Variants in MAP4K4 observed in about 807,000 individuals in gnomAD.
The protein encoded by MAP4K4 is mitogen-activated protein kinase kinase kinase kinase 4, also known as HPK/GCK-like kinase HGK.
In MAP4K4, 38 loss-of-function variants were observed where a neutral mutation model predicts 189.6. That is an observed-to-expected ratio of 0.20 (90% confidence interval 0.15 to 0.26). The LOEUF is 0.26. MAP4K4 is among the 10% of genes least tolerant of loss of function. The probability of loss-of-function intolerance (pLI) is 1.00; values close to 1 mark genes in which losing one functional copy is unlikely to be tolerated. For synonymous variants in MAP4K4, 610 were observed against 624.3 expected (o/e 0.98, Z 0.34); for missense variants, 1,054 against 1,726.9 (o/e 0.61, Z 6.91).
rs58201235 is a variant in MAP4K4 at position 101,797,889 on chromosome 2, GT to G, written c.180+7134del. ...TGAAGCTTTTTAAAACATTCTTTTA[GT>G]TTTTTTTTTTTTTTTTTTTTGGAGA... On this transcript the variant is annotated intron_variant, in intron 3 of 32. Transcript: ENST00000324219. Among the ~76,000 whole-genome samples, 129 of 52,334 alleles carry G rather than the reference GT, an allele frequency of 2.5e-3. 20 individuals are homozygous for G. Among genetic ancestry groups the G allele is most frequent in the East Asian group, 7.5e-3 (10 of 1,332 alleles). The allele number at this position is 52,334 out of a possible 152,430, so 34.3% of individuals were successfully genotyped here. A position where few individuals can be genotyped will look rare whatever the true frequency, so the allele number is the denominator to read the frequency against.
chr2:101,738,975 G>A (rs780045257), intron 2 of MAP4K4, among the ~76,000 whole-genome samples: 1 of 152,138 alleles, frequency 6.6e-6, no homozygotes, highest in Non-Finnish European at 1.5e-5. Flanking sequence ...ATGGTGCAGT[G>A]AATACAGTTA....
chr2:101,704,563 ATATATTTTTTTTTT>A (rs1157470826), intron 2 of MAP4K4, among the ~76,000 whole-genome samples: 129 of 47,190 alleles, frequency 2.7e-3, no homozygotes, highest in Non-Finnish European at 3.3e-3. Context: ...ATATATATAT[ATATATTTTTTTTTT>A]TTTTTTTTTT....
At chr2:101,765,192 A>C (rs1166857580) in intron 2 of MAP4K4, among the ~76,000 whole-genome samples, 1 of 152,196 alleles carries the variant, frequency 6.6e-6, no homozygotes, top group East Asian at 1.9e-4. Flanking sequence ...CAAGCTAAAA[A>C]AAAAAAAGTA....
intron 12 of MAP4K4, among the ~76,000 whole-genome samples, chr2:101,854,137 ACAGT>A (rs2097370118): frequency 6.6e-6 from 1 of 152,192 alleles, no homozygotes; most frequent in Admixed American, 6.5e-5. Flanking sequence ...TGACTGGAAA[ACAGT>A]CAGTCTCCAA....
chr2:101,823,407 C>T (rs2096192268), intron 3 of MAP4K4, among the ~76,000 whole-genome samples: 1 of 152,218 alleles, frequency 6.6e-6, no homozygotes, highest in African/African-American at 2.4e-5. Flanking sequence ...ACAGACTACA[C>T]CTCCAGCCTG....
rs2097450852 is a variant in MAP4K4 at position 101,856,233 on chromosome 2, A to G, written c.1395+95A>G. 3.4e-6 allele frequency: 4 copies of G among 1,179,006 alleles called. No individual in the cohort carries two copies. In the South Asian group the frequency reaches 4.6e-5, roughly 14 times the overall value. The allele number at this position is 1,179,006 out of a possible 1,614,324, so 73.0% of individuals were successfully genotyped here. A position where few individuals can be genotyped will look rare whatever the true frequency, so the allele number is the denominator to read the frequency against. ...TAGAAAGTATACACACATGTGATGCATACACACATGTACACACATACACAT... is the reference window on the plus strand; with the variant it reads ...TAGAAAGTATACACACATGTGATGCGTACACACATGTACACACATACACAT... On this transcript the variant is annotated intron_variant, in intron 13 of 32. Coordinates refer to ENST00000324219, the Ensembl canonical transcript of MAP4K4.
chr2:101,845,111 C>A (rs549765619), intron 12 of MAP4K4, among the ~76,000 whole-genome samples: 39 of 151,422 alleles, frequency 2.6e-4, no homozygotes, highest in African/African-American at 9.2e-4. Context: ...GCCTTCACAC[C>A]TTGATATCAG....
chr2:101,733,818 A>G (rs1212484284), intron 2 of MAP4K4, among the ~76,000 whole-genome samples: 2 of 152,174 alleles, frequency 1.3e-5, no homozygotes, highest in Non-Finnish European at 2.9e-5. Flanking sequence ...AGGTCCCGTT[A>G]CAGGAAGAGC....
At chr2:101,705,035 C>T (rs961454138) in intron 2 of MAP4K4, among the ~76,000 whole-genome samples, 1 of 152,048 alleles carries the variant, frequency 6.6e-6, no homozygotes, top group South Asian at 2.1e-4. Context: ...TAAAGTGATT[C>T]ATTGGGAGGT....
At chr2:101,813,956 G>T (rs1361808502) in intron 3 of MAP4K4, among the ~76,000 whole-genome samples, 1 of 152,180 alleles carries the variant, frequency 6.6e-6, no homozygotes, top group Non-Finnish European at 1.5e-5. Context: ...TAGATGGTTT[G>T]ATATCTTTCT....
In MAP4K4 at chr2:101,708,090, G is replaced by T. The variant is rs533836709; in HGVS notation, c.123+9552G>T. Among the ~76,000 whole-genome samples the T allele has an allele frequency of 3.9e-5, 6 of 152,112 alleles. No homozygotes were observed. The South Asian group carries it at 8.3e-4, about 21-fold the overall frequency. Reference sequence around the variant, plus strand: ...GGACTAAAGTGGTCTGCCTACCTCGGCCTCTGACCATCCACTTTTTAGCTG... The same window carrying T: ...GGACTAAAGTGGTCTGCCTACCTCGTCCTCTGACCATCCACTTTTTAGCTG... On this transcript the variant is annotated intron_variant, in intron 2 of 32. Transcript: ENST00000324219.
rs1361118802 is a variant in MAP4K4, at chr2:101,839,871, C to T, written c.826C>T (p.Gln276Ter). 6.2e-7 allele frequency: 1 copy of T among 1,612,630 alleles called. No individual in the cohort carries two copies. The highest frequency in any genetic ancestry group is 8.5e-7 in the Non-Finnish European group (1 of 1,179,474). Reference sequence around the variant, plus strand: ...AGGGTGCCTGGTGAAGAATTACATGCAGCGGCCCTCTACAGAGCAGCTTTT... The same window carrying T: ...AGGGTGCCTGGTGAAGAATTACATGTAGCGGCCCTCTACAGAGCAGCTTTT... Residue 276 changes from glutamine to a stop codon, truncating the protein, a stop_gained, in exon 10 of 33, where the codon CAG (glutamine) becomes TAG (stop). Coordinates refer to ENST00000324219, the Ensembl canonical transcript of MAP4K4. LOFTEE classifies it high-confidence loss of function.
At chr2:101,699,866 C>G (rs2037279802) in intron 2 of MAP4K4, among the ~76,000 whole-genome samples, 1 of 152,118 alleles carries the variant, frequency 6.6e-6, no homozygotes, top group Non-Finnish European at 1.5e-5. Flanking sequence ...GAAAGAGAGC[C>G]CCGTTAACTC....
intron 3 of MAP4K4, among the ~76,000 whole-genome samples, chr2:101,800,263 G>A (rs970887972): frequency 6.6e-6 from 1 of 152,032 alleles, no homozygotes; most frequent in Non-Finnish European, 1.5e-5. Context: ...CCGAGTAACT[G>A]GGACTAAAAT....
chr2:101,751,223 G>A (rs1164895143), intron 2 of MAP4K4, among the ~76,000 whole-genome samples: 2 of 152,194 alleles, frequency 1.3e-5, no homozygotes, highest in Non-Finnish European at 2.9e-5. Context: ...GAAGCATGAA[G>A]TTAACTAAAA....
At chr2:101,740,161 T>TAAAGCCTGCATTGCTG (rs1353029035) in intron 2 of MAP4K4, among the ~76,000 whole-genome samples, 2 of 115,044 alleles carry the variant, frequency 1.7e-5, no homozygotes, top group African/African-American at 1.3e-4. Context: ...CTTTTTTTTT[T>TAAAGCCTGCATTGCTG]TTTTTTTTTT....
chr2:101,835,483 CTG>C (rs1342977369), intron 8 of MAP4K4, among the ~76,000 whole-genome samples: 3 of 152,210 alleles, frequency 2.0e-5, no homozygotes, highest in African/African-American at 7.2e-5. Context: ...AACAGCATTT[CTG>C]GAGGGCCTAA....
intron 23 of MAP4K4, 57 bp from the exon 24 acceptor site, chr2:101,871,437 G>C: frequency 2.2e-6 from 3 of 1,391,588 alleles, no homozygotes; most frequent in Non-Finnish European, 2.9e-6. Context: ...TATCAATAGG[G>C]CCATAGGCAA....
chr2:101,809,208 T>C (rs2095254363), intron 3 of MAP4K4, among the ~76,000 whole-genome samples: 1 of 152,212 alleles, frequency 6.6e-6, no homozygotes, highest in Non-Finnish European at 1.5e-5. Flanking sequence ...ATAGCGCGTA[T>C]ATATGTTATT....
Sources: gnomAD v4.1 joint callset for allele counts (sites outside exome capture counted in the v4.1 genomes callset) on GRCh38, gnomAD v4.1.1 for gene constraint, MANE v1.5 for transcripts, NCBI Gene and HGNC (gene_info 2026-07-23, HGNC 2026-07-21) for gene names.